PKHD1: variants seen among roughly 807,000 people sequenced by gnomAD.
PKHD1 encodes the protein PKHD1 ciliary IPT domain containing fibrocystin/polyductin.
Under a neutral mutation model 412.0 loss-of-function variants are expected in PKHD1, and 291 were observed. The observed-to-expected ratio is 0.71, with a 90% CI of 0.64 to 0.78. The LOEUF (loss-of-function observed/expected upper bound fraction) is 0.78, where lower values mean the gene tolerates loss of function less well. Among genes scored for constraint, PKHD1 ranks in the 30% least tolerant of loss-of-function variants. The pLI is 0.00. For missense variants in PKHD1, 4,825 were observed against 4,950.7 expected, an observed-to-expected ratio of 0.97 and a Z score of 0.76; for synonymous variants, 1,777 against 1,821.5, an observed-to-expected ratio of 0.98 and a Z score of 0.62.
At chr6:51,887,282 C>T (rs371727232) in intron 43 of PKHD1, 37 bp from the exon 44 acceptor site, 5 of 1,291,218 alleles carry the variant, frequency 3.9e-6, no homozygotes, top group Admixed American at 1.7e-5. Context: ...ATAGTTACCC[C>T]ATGTATGATA....
intron 13 of PKHD1, among the ~76,000 whole-genome samples, chr6:52,064,389 C>A (rs1809175046): frequency 6.6e-6 from 1 of 152,224 alleles, no homozygotes; most frequent in South Asian, 2.1e-4. Context: ...AGAAGGACAG[C>A]TGGAAGCTCC....
intron 50 of PKHD1, among the ~76,000 whole-genome samples, chr6:51,843,071 C>T (rs1770519781): frequency 1.3e-5 from 2 of 152,206 alleles, no homozygotes; most frequent in Non-Finnish European, 1.5e-5. Context: ...CTCATTATCT[C>T]TGCCCCATTT....
At chr6:51,921,785 T>C (rs1227888333) in intron 37 of PKHD1, among the ~76,000 whole-genome samples, 1 of 152,212 alleles carries the variant, frequency 6.6e-6, no homozygotes. Flanking sequence ...CATCAGGTCA[T>C]CTAAGGTCTT....
At position 51,870,636 on chromosome 6, in the gene PKHD1, T is replaced by G; in HGVS notation, c.7354A>C (p.Ser2452Arg). The G allele has an allele frequency of 2.5e-6, 4 of 1,608,200 alleles. No homozygotes were observed. The highest frequency in any genetic ancestry group is 3.4e-6 in the Non-Finnish European group (4 of 1,174,940). The stretch of plus-strand genomic sequence containing the variant: ...TTAATCCCAGATGACATACACAGAC[T>G]TCCCTGTGATTTAAAAGAAAAAAAG... ...LLLGHFAHKG[S>R]LCMSSGIKTP... is the part of the protein sequence containing the mutation. The change falls in exon 47 of 67, where the codon AGT (serine) becomes CGT (arginine). Residue 2452 changes from serine to arginine, a missense_variant. Transcript: ENST00000371117.
chr6:51,964,191 G>A (rs1792477177), intron 35 of PKHD1, among the ~76,000 whole-genome samples: 1 of 152,102 alleles, frequency 6.6e-6, no homozygotes, highest in Non-Finnish European at 1.5e-5. Context: ...CACCTTAAAT[G>A]TACTTGCAAC....
rs1305091283 is a variant in PKHD1, at chr6:52,011,109, T to C, written c.5601-650A>G. On this transcript the variant is annotated intron_variant, in intron 34 of 66. Coordinates refer to ENST00000371117, the MANE Select transcript of PKHD1 (RefSeq NM_138694.4). ...GGAGATTCAATATATGTGCCAGTTA[T>C]ACTACCAGCCACTCGCTTTAAAAGT... is the stretch of plus-strand genomic sequence containing the variant. Among the ~76,000 whole-genome samples the C allele has an allele frequency of 1.3e-5, 2 of 152,236 alleles. 1 individual carries two copies.
intron 65 of PKHD1, among the ~76,000 whole-genome samples, chr6:51,628,566 G>A (rs1767560040): frequency 6.6e-6 from 1 of 152,132 alleles, no homozygotes. Context: ...TTGGTAGACT[G>A]ATTTATATTC....
intron 40 of PKHD1, among the ~76,000 whole-genome samples, chr6:51,907,191 C>G (rs974913942): frequency 6.6e-6 from 1 of 152,072 alleles, no homozygotes; most frequent in Admixed American, 6.6e-5. Context: ...AAAAAGGGAG[C>G]TTTGTATTAT....
chr6:51,719,939 T>C (rs1781710917), intron 60 of PKHD1, among the ~76,000 whole-genome samples: 1 of 152,198 alleles, frequency 6.6e-6, no homozygotes, highest in Admixed American at 6.5e-5. Flanking sequence ...AAAGAGATTT[T>C]ACTATGCATA....
intron 66 of PKHD1, among the ~76,000 whole-genome samples, chr6:51,626,338 C>T (rs971150074): frequency 3.3e-5 from 5 of 152,178 alleles, no homozygotes; most frequent in African/African-American, 9.6e-5. Context: ...GTATCATACC[C>T]ATACTTGGCA....
chr6:51,627,149 G>A, intron 65 of PKHD1, 33 bp from the exon 66 acceptor site: 1 of 1,594,524 alleles, frequency 6.3e-7, no homozygotes, highest in Non-Finnish European at 8.6e-7. Flanking sequence ...GGATTTTTTT[G>A]TTCAGTTGTA....
chr6:51,803,512 C>A (rs1228734581), intron 52 of PKHD1, among the ~76,000 whole-genome samples: 1 of 150,326 alleles, frequency 6.7e-6, no homozygotes, highest in East Asian at 1.9e-4. Context: ...GAGTTAATTC[C>A]TCTTTTTAAT....
intron 60 of PKHD1, among the ~76,000 whole-genome samples, chr6:51,717,514 C>T (rs1214052212): frequency 6.6e-6 from 1 of 151,908 alleles, no homozygotes; most frequent in Non-Finnish European, 1.5e-5. Flanking sequence ...TTTAGATAAA[C>T]AAATATCATT....
At chr6:51,667,376 AC>A in intron 60 of PKHD1, among the ~76,000 whole-genome samples, 1 of 151,578 alleles carries the variant, frequency 6.6e-6, no homozygotes, top group African/African-American at 2.4e-5. Flanking sequence ...TCCTTTGCCC[AC>A]TTTTTAATGG....
chr6:52,070,262 G>T, intron 10 of PKHD1, 144 bp downstream of exon 10: 2 of 655,562 alleles, frequency 3.1e-6, no homozygotes, highest in Non-Finnish European at 5.5e-6. Context: ...AAGTCAAGGA[G>T]TTATATGTGG....
intron 59 of PKHD1, among the ~76,000 whole-genome samples, chr6:51,745,765 T>C (rs1349435530): frequency 1.3e-5 from 2 of 152,160 alleles, no homozygotes; most frequent in African/African-American, 4.8e-5. Context: ...TACTTTGTTA[T>C]AGCAGCACAA....
In PKHD1 at chr6:52,065,008, T is replaced by G; in HGVS notation, c.923A>C (p.Glu308Ala). 1 of 1,602,694 alleles carries G rather than the reference T, an allele frequency of 6.2e-7. No homozygotes were observed. ...DIRHVSPRKIECTTRAPGKDV... is the reference protein window; with the variant it reads ...DIRHVSPRKIACTTRAPGKDV... ...TTTTCCTGGAGCCCGAGTGGTGCAC[T>G]CAATCTTCCTGGGAGACACGTGTCT... is the stretch of plus-strand genomic sequence containing the variant. Residue 308 changes from glutamate to alanine, a missense_variant, in exon 13 of 67, where the codon GAG becomes GCG. Physicochemically the swap from Glu to Ala is moderately radical, Grantham distance 107. Coordinates refer to ENST00000371117, the MANE Select transcript of PKHD1 (RefSeq NM_138694.4).
At chr6:52,086,866 A>G (rs901413126) in intron 1 of PKHD1, among the ~76,000 whole-genome samples, 2 of 152,228 alleles carry the variant, frequency 1.3e-5, no homozygotes, top group African/African-American at 4.8e-5. Context: ...CCACATAGGG[A>G]AAAGTACCCA....
In PKHD1 at chr6:51,674,079, C is replaced by T. The variant is rs181467008; in HGVS notation, c.10157-14110G>A. Reference sequence around the variant, plus strand: ...GGATATTAAGAAAAACATATTGCATCCTTATACTAACAGTGGTGTAAAAAT... The same window carrying T: ...GGATATTAAGAAAAACATATTGCATTCTTATACTAACAGTGGTGTAAAAAT... On this transcript the variant is annotated intron_variant, in intron 60 of 66. Transcript: ENST00000371117. 1.1e-3 allele frequency among the ~76,000 whole-genome samples: 175 copies of T among 152,270 alleles called. 1 individual carries two copies. Among genetic ancestry groups the T allele is most frequent in the Middle Eastern group, 6.8e-3 (2 of 294 alleles).
Sources: allele counts gnomAD v4.1 joint callset (sites outside exome capture counted in the v4.1 genomes callset), GRCh38; gene constraint gnomAD v4.1.1; transcripts MANE v1.5; gene names NCBI Gene and HGNC (gene_info 2026-07-23, HGNC 2026-07-21).